Variants in KLRD1 observed in about 807,000 individuals in gnomAD.
KLRD1 encodes natural killer cells antigen CD94.
Under a neutral mutation model 22.6 loss-of-function variants are expected in KLRD1, and 21 were observed. The ratio of observed to expected loss-of-function variants is 0.93; its 90% CI spans 0.66 to 1.34. The LOEUF (loss-of-function observed/expected upper bound fraction) is 1.34, where lower values mean the gene tolerates loss of function less well. Ranked by LOEUF, KLRD1 falls within the 40% of genes most tolerant of loss-of-function variation. The pLI is 0.00. For synonymous variants in KLRD1, 59 were observed against 71.1 expected, an observed-to-expected ratio of 0.83 and a Z score of 0.85; for missense variants, 183 against 208.6, an observed-to-expected ratio of 0.88 and a Z score of 0.76.
intron 1 of KLRD1, among the ~76,000 whole-genome samples, chr12:10,256,174 C>A (rs76026206): frequency 0.066 from 10,085 of 151,846 alleles, 405 homozygotes; most frequent in East Asian, 0.17. Context: ...CTTTTCCATT[C>A]TTTCATTTTC....
chr12:10,320,352 A>T lies in KLRD1; in HGVS notation c.*5559A>T, dbSNP rs993231661. 3.3e-5 allele frequency: 5 copies of T among 152,154 alleles called. No homozygotes were observed. The highest frequency in any genetic ancestry group is 1.2e-4 in the African/African-American group (5 of 41,440). 9.4% of individuals were successfully genotyped at this position (152,154 alleles called of 1,614,324 possible). On this transcript the variant is annotated 3_prime_UTR_variant, in exon 6 of 6. Coordinates refer to ENST00000336164, the MANE Select transcript of KLRD1 (RefSeq NM_002262.5). ...ACAGGAAAGACTGAAACCTTCTAGTATGGGCTTATAGTAGGGAAGTGAAAA... is the reference window on the plus strand; with the variant it reads ...ACAGGAAAGACTGAAACCTTCTAGTTTGGGCTTATAGTAGGGAAGTGAAAA...
rs1950380648 is a variant in KLRD1 at position 10,328,446 on chromosome 12, A to G, written c.*13653A>G. 2.0e-5 allele frequency: 3 copies of G among 151,952 alleles called. No individual in the cohort carries two copies. The highest frequency in any genetic ancestry group is 2.0e-4 in the Admixed American group (3 of 15,242). The allele number at this position is 151,952 out of a possible 1,614,324, so 9.4% of individuals were successfully genotyped here. ...AGGTTATCCAATTTGTTGGCCTATA[A>G]TTGTTCTTAGTTGTCTCTTACCATC... is the stretch of plus-strand genomic sequence containing the variant. On this transcript the variant is annotated 3_prime_UTR_variant, in exon 6 of 6. Transcript: ENST00000336164.
upstream of KLRD1, among the ~76,000 whole-genome samples, chr12:10,303,055 A>G (rs1949880644): frequency 6.6e-6 from 1 of 152,212 alleles, no homozygotes; most frequent in African/African-American, 2.4e-5. Context: ...AGCTTGGCCT[A>G]CACCCAGTAA....
At chr12:10,240,161 A>G (rs1027399193) in intron 1 of KLRD1, among the ~76,000 whole-genome samples, 1 of 151,740 alleles carries the variant, frequency 6.6e-6, no homozygotes, top group Non-Finnish European at 1.5e-5. Flanking sequence ...CCCAGGCTCA[A>G]GCTACCTTCT....
rs1330883958 is a variant in KLRD1 at position 10,317,580 on chromosome 12, C to G, written c.*2787C>G. 1 of 152,218 alleles carries G rather than the reference C, an allele frequency of 6.6e-6. No homozygotes were observed. The highest frequency in any genetic ancestry group is 1.9e-4 in the East Asian group (1 of 5,196). The allele number at this position is 152,218 out of a possible 1,614,324, so 9.4% of individuals were successfully genotyped here. ...TTCTTTGCAGTCAGCTTTTCTTCTG[C>G]TGATGCTGCCTGTTGCCTCCCTGGA... is the stretch of plus-strand genomic sequence containing the variant. On this transcript the variant is annotated 3_prime_UTR_variant, in exon 6 of 6. Coordinates refer to ENST00000336164, the MANE Select transcript of KLRD1 (RefSeq NM_002262.5).
At chr12:10,250,208 T>G (rs1949332812) in intron 1 of KLRD1, among the ~76,000 whole-genome samples, 1 of 9,102 alleles carries the variant, frequency 1.1e-4, no homozygotes, top group Non-Finnish European at 5.1e-4. Flanking sequence ...TTGCTTTTTT[T>G]TTTTTTTTTT....
At position 10,327,621 on chromosome 12, in the gene KLRD1, A is replaced by C. The variant is rs966846111; in HGVS notation, c.*12828A>C. The C allele has an allele frequency of 6.6e-6, 1 of 152,204 alleles. No individual in the cohort carries two copies. 9.4% of individuals were successfully genotyped at this position (152,204 alleles called of 1,614,324 possible). ...TCTTTAGAGCATGCCATAGGCAAACAGGGACCATTGTACTTCTTCTTTTAC... is the reference window on the plus strand; with the variant it reads ...TCTTTAGAGCATGCCATAGGCAAACCGGGACCATTGTACTTCTTCTTTTAC... On this transcript the variant is annotated 3_prime_UTR_variant, in exon 6 of 6. Coordinates refer to ENST00000336164, the MANE Select transcript of KLRD1 (RefSeq NM_002262.5).
chr12:10,320,947 C>T lies in KLRD1; in HGVS notation c.*6154C>T, dbSNP rs1950306729. The T allele has an allele frequency of 6.6e-6, 1 of 152,078 alleles. No homozygotes were observed. The highest frequency in any genetic ancestry group is 2.4e-5 in the African/African-American group (1 of 41,410). The allele number at this position is 152,078 out of a possible 1,614,324, so 9.4% of individuals were successfully genotyped here. On this transcript the variant is annotated 3_prime_UTR_variant, in exon 6 of 6. Coordinates refer to ENST00000336164, the MANE Select transcript of KLRD1 (RefSeq NM_002262.5). ...GTGTGCGGTTTTTACAAATAGAGTT[C>T]ATAGAAAACCTCAAAACACTTTTGA... is the stretch of plus-strand genomic sequence containing the variant.
chr12:10,302,752 G>T (rs149356901), upstream of KLRD1, among the ~76,000 whole-genome samples: 62 of 150,726 alleles, frequency 4.1e-4, no homozygotes, highest in African/African-American at 1.5e-3. Context: ...GTCCAGGTGG[G>T]GTTAGTCTGA....
chr12:10,292,334 T>A (rs1244651622), intron 1 of KLRD1, among the ~76,000 whole-genome samples: 1 of 152,228 alleles, frequency 6.6e-6, no homozygotes, highest in African/African-American at 2.4e-5. Flanking sequence ...TTGCCCAGTT[T>A]CATCTGAGGA....
intron 5 of KLRD1, 107 bp from the exon 6 acceptor site, chr12:10,314,566 T>A (rs557592741): frequency 1.0e-6 from 1 of 979,416 alleles, no homozygotes; most frequent in East Asian, 2.9e-5. Flanking sequence ...CTCAATATGT[T>A]AGTATCTCAC....
rs1392221853 is a variant in KLRD1, at chr12:10,325,904, A to G, written c.*11111A>G. On this transcript the variant is annotated 3_prime_UTR_variant, in exon 6 of 6. Transcript: ENST00000336164. ...AAATCACCATCCTGTTTTCCACAGAAGCAGCACAATTTTTCATTCCCACCA... is the reference window on the plus strand; with the variant it reads ...AAATCACCATCCTGTTTTCCACAGAGGCAGCACAATTTTTCATTCCCACCA... The G allele has an allele frequency of 6.6e-6, 1 of 152,222 alleles. No homozygotes were observed. 9.4% of individuals were successfully genotyped at this position (152,222 alleles called of 1,614,324 possible).
rs183341147 is a variant in KLRD1 at position 10,257,544 on chromosome 12, C to T, written c.-101+31311C>T. ...TTTTCAGTTCTGTTATTTAATTTTT[C>T]GTCTCTAGAATTTGTTTGATTTTTA... On this transcript the variant is annotated intron_variant, in intron 1 of 5. Coordinates refer to the KLRD1 transcript ENST00000544747. Among the ~76,000 whole-genome samples, 112 of 100,508 alleles carry T rather than the reference C, an allele frequency of 1.1e-3. No homozygotes were observed. In the East Asian group the frequency reaches 0.016, roughly 14 times the overall value. 65.9% of individuals were successfully genotyped at this position (100,508 alleles called of 152,430 possible). A position where few individuals can be genotyped will look rare whatever the true frequency, so the allele number is the denominator to read the frequency against.
intron 1 of KLRD1, among the ~76,000 whole-genome samples, chr12:10,268,862 C>A (rs955469664): frequency 3.3e-5 from 5 of 152,158 alleles, no homozygotes; most frequent in Non-Finnish European, 7.4e-5. Context: ...CCTATTGAAA[C>A]ATCTCTTGAT....
chr12:10,277,210 G>T (rs1698204475), intron 1 of KLRD1, among the ~76,000 whole-genome samples: 1 of 148,428 alleles, frequency 6.7e-6, no homozygotes, highest in Admixed American at 6.8e-5. Context: ...TGGAACTGTA[G>T]ACTCACTGAG....
At chr12:10,254,284 A>C (rs7975901) in intron 1 of KLRD1, among the ~76,000 whole-genome samples, 121,558 of 151,240 alleles carry the variant, frequency 0.8, 53,290 homozygotes, top group Non-Finnish European at 0.98. Flanking sequence ...AAAAATTAGC[A>C]GGGCGCGGTG....
intron 3 of KLRD1, among the ~76,000 whole-genome samples, chr12:10,310,093 A>G (rs112344523): frequency 6.2e-4 from 94 of 152,278 alleles, no homozygotes; most frequent in African/African-American, 2.2e-3. Context: ...TTACTTATCC[A>G]GTGAAAGCCA....
intron 1 of KLRD1, among the ~76,000 whole-genome samples, chr12:10,239,603 C>T (rs28527429): frequency 1.6e-5 from 2 of 127,918 alleles, no homozygotes; most frequent in African/African-American, 5.9e-5. Flanking sequence ...CTTTCTTTCT[C>T]TCTCTTTCTT....
At chr12:10,240,722 A>T (rs1949233386) in intron 1 of KLRD1, among the ~76,000 whole-genome samples, 1 of 152,198 alleles carries the variant, frequency 6.6e-6, no homozygotes, top group Non-Finnish European at 1.5e-5. Flanking sequence ...GAAATATCAG[A>T]CATCATGTGA....
Sources: gnomAD v4.1 joint callset for allele counts (sites outside exome capture counted in the v4.1 genomes callset) on GRCh38, gnomAD v4.1.1 for gene constraint, MANE v1.5 for transcripts, NCBI Gene and HGNC (gene_info 2026-07-23, HGNC 2026-07-21) for gene names.